Variants in ICE2 observed in about 807,000 individuals in gnomAD.
ICE2 encodes the protein interactor of little elongation complex ELL subunit 2.
Under a neutral mutation model 105.4 loss-of-function variants are expected in ICE2, and 87 were observed. The ratio of observed to expected loss-of-function variants is 0.83; its 90% confidence interval spans 0.69 to 0.99. The LOEUF (loss-of-function observed/expected upper bound fraction) is 0.99. Among genes scored for constraint, ICE2 ranks in the 50% least tolerant of loss-of-function variants. The pLI, the probability that ICE2 is intolerant of heterozygous loss-of-function variation, is 0.00. For missense variants in ICE2, 1,323 were observed against 1,146.7 expected (o/e 1.15, Z -2.22); for synonymous variants, 399 against 392.0 (o/e 1.02, Z -0.21).
intron 8 of ICE2, among the ~76,000 whole-genome samples, chr15:60,454,132 TTTG>T (rs1178394129): frequency 1.3e-5 from 2 of 152,220 alleles, no homozygotes; most frequent in Non-Finnish European, 2.9e-5. Context: ...TTAACTCTAA[TTTG>T]TAGTTTTGTT....
At chr15:60,431,422 C>A (rs1201585370) in intron 14 of ICE2, among the ~76,000 whole-genome samples, 1 of 152,100 alleles carries the variant, frequency 6.6e-6, no homozygotes, top group African/African-American at 2.4e-5. Flanking sequence ...GATATTACCA[C>A]AAAAGGAGAG....
chr15:60,459,901 C>A (rs561837478), intron 5 of ICE2, among the ~76,000 whole-genome samples: 2 of 151,560 alleles, frequency 1.3e-5, no homozygotes, highest in Non-Finnish European at 2.9e-5. Context: ...AAAAAAAACA[C>A]AGAAAAAGTA....
At chr15:60,477,499 T>C (rs2064796971) in intron 2 of ICE2, among the ~76,000 whole-genome samples, 1 of 152,244 alleles carries the variant, frequency 6.6e-6, no homozygotes, top group South Asian at 2.1e-4. Flanking sequence ...GGTTCTCTAT[T>C]TGCAAAGTTC....
intron 3 of ICE2, among the ~76,000 whole-genome samples, chr15:60,472,983 T>C (rs1412770510): frequency 6.6e-6 from 1 of 152,108 alleles, no homozygotes; most frequent in East Asian, 1.9e-4. Context: ...GGTCTTGCTC[T>C]GTTGTCCAGA....
chr15:60,447,395 G>A (rs2063845614), intron 11 of ICE2: 4 of 152,200 alleles, frequency 2.6e-5, no homozygotes, highest in Non-Finnish European at 4.4e-5. Context: ...TAAAGGTGGA[G>A]TATCCCTTAT....
chr15:60,447,914 A>G, intron 11 of ICE2, 56 bp downstream of exon 11: 4 of 1,353,602 alleles, frequency 3.0e-6, no homozygotes, highest in Non-Finnish European at 2.1e-6. Context: ...ATGGCATGTT[A>G]AGTATCTATT....
chr15:60,420,653 C>T lies in ICE2; in HGVS notation c.*2981G>A, dbSNP rs1417708226. 6.6e-6 allele frequency: 1 copy of T among 152,152 alleles called. No individual in the cohort carries two copies. The highest frequency in any genetic ancestry group is 2.4e-5 in the African/African-American group (1 of 41,418). The allele number at this position is 152,152 out of a possible 1,614,324, so 9.4% of individuals were successfully genotyped here. A position where few individuals can be genotyped will look rare whatever the true frequency, so the allele number is the denominator to read the frequency against. On this transcript the variant is annotated 3_prime_UTR_variant, in exon 16 of 16. Transcript: ENST00000261520. ...CACCTTTTCATAGGCTGCTTAGTTT[C>T]ACTTAGTTTCTTTGTGGAAGACCTT...
chr15:60,477,244 A>G (rs2064787079), intron 2 of ICE2, among the ~76,000 whole-genome samples: 1 of 152,220 alleles, frequency 6.6e-6, no homozygotes, highest in African/African-American at 2.4e-5. Flanking sequence ...TGCACATCAT[A>G]TAAAAACAAA....
intron 5 of ICE2, among the ~76,000 whole-genome samples, chr15:60,457,958 T>C (rs1205018883): frequency 6.6e-6 from 1 of 152,200 alleles, no homozygotes; most frequent in Admixed American, 6.5e-5. Context: ...AAATAAGAAC[T>C]ATGTGAAATA....
At chr15:60,474,428 A>T (rs2064698207) in intron 3 of ICE2, among the ~76,000 whole-genome samples, 2 of 152,150 alleles carry the variant, frequency 1.3e-5, no homozygotes, top group Non-Finnish European at 2.9e-5. Flanking sequence ...AAACAAGCTA[A>T]ATATCAACAG....
intron 9 of ICE2, chr15:60,451,519 C>T (rs543723243): frequency 4.1e-6 from 4 of 984,602 alleles, no homozygotes; most frequent in South Asian, 9.4e-5. Context: ...AAAATAATTC[C>T]AGAACACTTA....
chr15:60,471,048 G>A (rs956849986), intron 3 of ICE2, among the ~76,000 whole-genome samples: 3 of 151,894 alleles, frequency 2.0e-5, no homozygotes, highest in South Asian at 2.1e-4. Flanking sequence ...GAATAAATAC[G>A]GCAAAAATTC....
chr15:60,435,468 G>A lies in ICE2; in HGVS notation c.2510+675C>T, dbSNP rs201824155. Among the ~76,000 whole-genome samples the A allele has an allele frequency of 1.5e-4, 23 of 151,480 alleles. No individual in the cohort carries two copies. In the East Asian group the frequency reaches 2.5e-3, roughly 17 times the overall value. On this transcript the variant is annotated intron_variant, in intron 13 of 15. Coordinates refer to ENST00000261520, the MANE Select transcript of ICE2 (RefSeq NM_024611.6). ...TACAAAATTAGCCAGGCGTGGTGGC[G>A]CATGCCTGTAATCCCAGCTACTCAG...
Position 60,424,422 on chromosome 15 carries a change from G to GGGCAAA in ICE2, c.2821-661_2821-660insTTTGCC, listed in dbSNP as rs1278588145. The stretch of plus-strand genomic sequence containing the variant: ...AACTGGAAGGGGGAATACAGAGGAT[G>GGGCAAA]GGGGAAGGAACTTTGCTGTGGTTCT... On this transcript the variant is annotated intron_variant, in intron 15 of 15. Coordinates refer to ENST00000261520, the MANE Select transcript of ICE2 (RefSeq NM_024611.6). Among the ~76,000 whole-genome samples, 498 of 151,578 alleles carry GGGCAAA rather than the reference G, an allele frequency of 3.3e-3. 4 individuals are homozygous for GGGCAAA. The Middle Eastern group carries it at 0.034, about 10-fold the overall frequency.
chr15:60,431,990 A>G lies in ICE2; in HGVS notation c.2511-6T>C. On this transcript the variant is annotated splice_polypyrimidine_tract_variant and splice_region_variant and intron_variant, in intron 13 of 15. Coordinates refer to ENST00000261520, the MANE Select transcript of ICE2 (RefSeq NM_024611.6). ...TGTTAAATAAATTGGAAATCCTGAT[A>G]AACAAAAGAAATTCATGTAAAATTA... 4 of 1,384,144 alleles carry G rather than the reference A, an allele frequency of 2.9e-6. No homozygotes were observed. Among genetic ancestry groups the G allele is most frequent in the South Asian group, 1.2e-5 (1 of 80,950 alleles). 85.7% of individuals were successfully genotyped at this position (1,384,144 alleles called of 1,614,324 possible). A position where few individuals can be genotyped will look rare whatever the true frequency, so the allele number is the denominator to read the frequency against.
chr15:60,455,495 TAAG>T, intron 6 of ICE2, 53 bp from the exon 7 acceptor site: 2 of 1,135,048 alleles, frequency 1.8e-6, no homozygotes, highest in Non-Finnish European at 2.6e-6. Context: ...GTATTTTTTC[TAAG>T]AAAAGTATCT....
chr15:60,419,686 G>C lies in ICE2; in HGVS notation c.*3948C>G, dbSNP rs2063222643. ...TAAATCTTAATATCAAATACGTTAAGGTTTGATTAAAAACTACTACATACC... is the reference window on the plus strand; with the variant it reads ...TAAATCTTAATATCAAATACGTTAACGTTTGATTAAAAACTACTACATACC... On this transcript the variant is annotated 3_prime_UTR_variant, in exon 16 of 16. Coordinates refer to ENST00000261520, the MANE Select transcript of ICE2 (RefSeq NM_024611.6). 1 of 151,698 alleles carries C rather than the reference G, an allele frequency of 6.6e-6. No individual in the cohort carries two copies. Among genetic ancestry groups the C allele is most frequent in the Non-Finnish European group, 1.5e-5 (1 of 67,954 alleles). 9.4% of individuals were successfully genotyped at this position (151,698 alleles called of 1,614,324 possible).
At chr15:60,441,273 C>T (rs1595763162) in intron 12 of ICE2, 1 of 152,160 alleles carries the variant, frequency 6.6e-6, no homozygotes, top group Admixed American at 6.6e-5. Flanking sequence ...CCAATTAGTG[C>T]ATTTAGCTAC....
intron 5 of ICE2, among the ~76,000 whole-genome samples, chr15:60,460,461 G>C (rs1236808660): frequency 6.6e-6 from 1 of 152,234 alleles, no homozygotes. Context: ...TCACGCCACT[G>C]TACTGCAGCC....
Sources: gnomAD v4.1 joint callset for allele counts (sites outside exome capture counted in the v4.1 genomes callset) on GRCh38, gnomAD v4.1.1 for gene constraint, MANE v1.5 for transcripts, NCBI Gene and HGNC (gene_info 2026-07-23, HGNC 2026-07-21) for gene names.